ATRNL1: variants seen among roughly 807,000 people sequenced by gnomAD.
ATRNL1 encodes attractin-like protein 1.
In ATRNL1, 95 loss-of-function variants were observed where a neutral mutation model predicts 182.7. The observed-to-expected ratio is 0.52, with a 90% CI of 0.44 to 0.62. The LOEUF (loss-of-function observed/expected upper bound fraction) is 0.62. Among genes scored for constraint, ATRNL1 ranks in the 20% least tolerant of loss-of-function variants. ATRNL1 has a pLI of 0.00. For synonymous variants in ATRNL1, 576 were observed against 568.3 expected (o/e 1.01, Z -0.19); for missense variants, 1,471 against 1,679.5 (o/e 0.88, Z 2.17).
intron 1 of ATRNL1, among the ~76,000 whole-genome samples, chr10:115,104,652 G>A (rs1843922684): frequency 6.6e-6 from 1 of 152,014 alleles, no homozygotes; most frequent in Non-Finnish European, 1.5e-5. Flanking sequence ...TTTTCCCAAT[G>A]TTGTAGTAGT....
In ATRNL1 at chr10:115,300,060, C is replaced by T. The variant is rs376675367; in HGVS notation, c.2442C>T (p.Arg814=). 6 of 1,613,096 alleles carry T rather than the reference C, an allele frequency of 3.7e-6. No individual in the cohort carries two copies. Among genetic ancestry groups the T allele is most frequent in the Admixed American group, 1.7e-5 (1 of 59,898 alleles). Residue 814 remains arginine (R), a synonymous_variant, in exon 16 of 29, where the codon CGC becomes CGT. Transcript: ENST00000355044. ...AAGTATCACCTTGGGTAGGCTTGCG[C>T]AAGATCAATATATCCTATTGGGGAT... ...QQKVSPWVGL[R]KINISYWGWE... is the part of the protein sequence containing the mutation.
chr10:115,233,268 G>T (rs1432880906), intron 9 of ATRNL1, among the ~76,000 whole-genome samples: 1 of 152,074 alleles, frequency 6.6e-6, no homozygotes, highest in Non-Finnish European at 1.5e-5. Context: ...ACACTCCAAG[G>T]TTCCAGGTGA....
chr10:115,615,574 T>G (rs1192472082), intron 26 of ATRNL1, among the ~76,000 whole-genome samples: 3 of 152,154 alleles, frequency 2.0e-5, no homozygotes, highest in African/African-American at 7.2e-5. Flanking sequence ...AATGTTGAAA[T>G]GTAATCCCCG....
At chr10:115,774,795 T>TC (rs782203493) in intron 27 of ATRNL1, among the ~76,000 whole-genome samples, 2 of 152,142 alleles carry the variant, frequency 1.3e-5, no homozygotes, top group African/African-American at 2.4e-5. Flanking sequence ...TATTTTTTTT[T>TC]CAAGATTAGC....
intron 28 of ATRNL1, among the ~76,000 whole-genome samples, chr10:115,894,937 C>A (rs1952169667): frequency 6.6e-6 from 1 of 152,144 alleles, no homozygotes; most frequent in African/African-American, 2.4e-5. Flanking sequence ...TCAGTTGTAA[C>A]TGTGGTTTCA....
intron 1 of ATRNL1, among the ~76,000 whole-genome samples, chr10:115,113,111 A>C (rs1456195692): frequency 6.6e-6 from 1 of 152,184 alleles, no homozygotes; most frequent in African/African-American, 2.4e-5. Context: ...ATCAAAGCAA[A>C]AGTGGACTGG....
chr10:115,188,870 C>G (rs141031420), intron 8 of ATRNL1, among the ~76,000 whole-genome samples: 206 of 152,026 alleles, frequency 1.4e-3, no homozygotes, highest in African/African-American at 4.7e-3. Context: ...GGAGAAATCT[C>G]CAGTTTAGAA....
At chr10:115,855,025 A>G (rs1951147875) in intron 28 of ATRNL1, among the ~76,000 whole-genome samples, 1 of 152,072 alleles carries the variant, frequency 6.6e-6, no homozygotes, top group African/African-American at 2.4e-5. Context: ...ACTTCTCCTC[A>G]ACTTCTCTTC....
At chr10:115,570,870 C>A (rs1555003248) in intron 26 of ATRNL1, among the ~76,000 whole-genome samples, 2 of 152,160 alleles carry the variant, frequency 1.3e-5, no homozygotes, top group Non-Finnish European at 2.9e-5. Flanking sequence ...CTCAACTGAG[C>A]CCTCAGTTAG....
intron 18 of ATRNL1, among the ~76,000 whole-genome samples, chr10:115,320,011 G>A (rs1285282824): frequency 6.6e-6 from 1 of 151,656 alleles, no homozygotes; most frequent in Non-Finnish European, 1.5e-5. Flanking sequence ...ATCTCGGTGT[G>A]TTTTTGTAGT....
intron 28 of ATRNL1, among the ~76,000 whole-genome samples, chr10:115,932,687 T>C (rs1023136250): frequency 6.6e-6 from 1 of 152,218 alleles, no homozygotes; most frequent in Non-Finnish European, 1.5e-5. Context: ...GAGATCATTG[T>C]ATATTTTCTA....
At chr10:115,905,421 G>A (rs1303827969) in intron 28 of ATRNL1, among the ~76,000 whole-genome samples, 1 of 151,372 alleles carries the variant, frequency 6.6e-6, no homozygotes, top group East Asian at 1.9e-4. Context: ...GTAGAGGCAG[G>A]GTCTTCCTAT....
intron 20 of ATRNL1, among the ~76,000 whole-genome samples, chr10:115,425,722 T>C (rs1383110579): frequency 6.6e-6 from 1 of 152,108 alleles, no homozygotes; most frequent in Non-Finnish European, 1.5e-5. Flanking sequence ...AAACCTTTTT[T>C]TCCAATTATT....
chr10:115,526,525 C>G (rs1565131556), intron 25 of ATRNL1, among the ~76,000 whole-genome samples: 1 of 152,158 alleles, frequency 6.6e-6, no homozygotes, highest in Non-Finnish European at 1.5e-5. Flanking sequence ...AGTATTTTCT[C>G]TATCAGTGCA....
rs527813539 is a variant in ATRNL1, at chr10:115,614,832, A to G, written c.3795+65296A>G. Reference sequence around the variant, plus strand: ...AATATCTATTTTGTCTGATATAAGTATGGTACTCCTGCATGGTTTTGTTTT... The same window carrying G: ...AATATCTATTTTGTCTGATATAAGTGTGGTACTCCTGCATGGTTTTGTTTT... On this transcript the variant is annotated intron_variant, in intron 26 of 28. Coordinates refer to ENST00000355044, the MANE Select transcript of ATRNL1 (RefSeq NM_207303.4). Among the ~76,000 whole-genome samples, 8 of 152,272 alleles carry G rather than the reference A, an allele frequency of 5.3e-5. No homozygotes were observed. In the South Asian group the frequency reaches 8.3e-4, roughly 16 times the overall value.
chr10:115,828,761 T>A (rs1565416149), intron 27 of ATRNL1, among the ~76,000 whole-genome samples: 1 of 152,172 alleles, frequency 6.6e-6, no homozygotes. Context: ...ATTAAATGGC[T>A]GCCAAGTTTC....
intron 13 of ATRNL1, among the ~76,000 whole-genome samples, chr10:115,279,070 TG>T (rs1313152827): frequency 2.6e-5 from 4 of 151,564 alleles, no homozygotes; most frequent in Non-Finnish European, 5.9e-5. Flanking sequence ...GGTGTGGTGG[TG>T]GGCGCCTGTA....
chr10:115,161,450 A>T (rs1554883249), intron 6 of ATRNL1, among the ~76,000 whole-genome samples: 2 of 152,000 alleles, frequency 1.3e-5, no homozygotes, highest in Non-Finnish European at 2.9e-5. Flanking sequence ...AAAGGAAATT[A>T]ACTATGTTTA....
intron 26 of ATRNL1, among the ~76,000 whole-genome samples, chr10:115,626,248 T>C (rs1375852581): frequency 2.6e-5 from 4 of 152,204 alleles, no homozygotes; most frequent in Middle Eastern, 3.2e-3. Context: ...TTTGTTTTCT[T>C]TTCCTATGTC....
Sources: gnomAD v4.1 joint callset for allele counts (sites outside exome capture counted in the v4.1 genomes callset) on GRCh38, gnomAD v4.1.1 for gene constraint, MANE v1.5 for transcripts, NCBI Gene and HGNC (gene_info 2026-07-23, HGNC 2026-07-21) for gene names.